Variants in ATP1A4 observed in about 807,000 individuals in gnomAD.
ATP1A4 encodes sodium/potassium-transporting ATPase subunit alpha-4.
Under a neutral mutation model 114.3 loss-of-function variants are expected in ATP1A4, and 90 were observed. The observed-to-expected ratio is 0.79, with a 90% CI of 0.66 to 0.94. ATP1A4 has a LOEUF of 0.94. ATP1A4 is among the 40% of genes least tolerant of loss of function. The probability of loss-of-function intolerance (pLI) is 0.00; values close to 1 mark genes in which losing one functional copy is unlikely to be tolerated. For synonymous variants in ATP1A4, 511 were observed against 494.1 expected (o/e 1.03, Z -0.45); for missense variants, 1,222 against 1,313.6 (o/e 0.93, Z 1.08).
chr1:160,164,454 G>A (rs1330317412), intron 7 of ATP1A4, 30 bp downstream of exon 7: 3 of 1,610,030 alleles, frequency 1.9e-6, no homozygotes, highest in Non-Finnish European at 2.5e-6. Flanking sequence ...AATGGCCTCA[G>A]GGCAGACAAA....
intron 18 of ATP1A4, among the ~76,000 whole-genome samples, chr1:160,178,775 T>C (rs1653578567): frequency 6.6e-6 from 1 of 152,216 alleles, no homozygotes; most frequent in Non-Finnish European, 1.5e-5. Flanking sequence ...TCTATAGTTG[T>C]CTTTTCTAAC....
intron 12 of ATP1A4, 122 bp from the exon 13 acceptor site, chr1:160,173,459 G>A: frequency 7.2e-7 from 1 of 1,388,342 alleles, no homozygotes; most frequent in East Asian, 2.3e-5. Context: ...CAAGTTCTTG[G>A]GAATGAGCGA....
chr1:160,153,513 C>T (rs1158062308), intron 2 of ATP1A4, among the ~76,000 whole-genome samples: 5 of 151,920 alleles, frequency 3.3e-5, no homozygotes, highest in African/African-American at 7.3e-5. Flanking sequence ...TATCTAGGAC[C>T]GCAAAGAACT....
At chr1:160,168,377 CTTTTTTTTTT>C (rs11397218) in intron 10 of ATP1A4, among the ~76,000 whole-genome samples, 2 of 97,040 alleles carry the variant, frequency 2.1e-5, no homozygotes, top group African/African-American at 4.0e-5. Context: ...CTGCTGGTAT[CTTTTTTTTTT>C]TTTTTTTTTT....
intron 20 of ATP1A4, chr1:160,183,348 T>C (rs769439522): frequency 6.6e-6 from 1 of 152,252 alleles, no homozygotes. Flanking sequence ...AATGCCATTA[T>C]AGACATAATA....
rs765545705 is a variant in ATP1A4 at position 160,176,224 on chromosome 1, G to C, written c.2444G>C (p.Cys815Ser). The change falls in exon 16 of 22, where the codon TGC (cysteine) becomes TCC (serine). Residue 815 changes from cysteine (C) to serine (S), a missense_variant. Transcript: ENST00000368081. ...CCTCTGGGAACCATAACCATCCTCT[G>C]CATTGATCTCGGCACTGACATGGTA... ...PLPLGTITIL[C>S]IDLGTDMVPA... 1 of 1,614,072 alleles carries C rather than the reference G, an allele frequency of 6.2e-7. No homozygotes were observed. Among genetic ancestry groups the C allele is most frequent in the South Asian group, 1.1e-5 (1 of 91,070 alleles).
intron 2 of ATP1A4, 151 bp downstream of exon 2, chr1:160,153,375 A>G: frequency 1.5e-6 from 1 of 646,566 alleles, no homozygotes. Context: ...CATGGACACT[A>G]CCTGGAAAAA....
intron 17 of ATP1A4, 59 bp downstream of exon 17, chr1:160,176,661 C>G: frequency 6.3e-7 from 1 of 1,592,802 alleles, no homozygotes; most frequent in East Asian, 2.3e-5. Flanking sequence ...TGCCTGGCAA[C>G]GTGAGCCATC....
intron 9 of ATP1A4, 30 bp downstream of exon 9, chr1:160,167,107 C>T (rs1392843871): frequency 6.2e-7 from 1 of 1,607,408 alleles, no homozygotes; most frequent in East Asian, 2.2e-5. Context: ...GAGGGTACCT[C>T]AGTGTCCAGG....
At chr1:160,186,086 C>CA (rs527303426) in intron 20 of ATP1A4, among the ~76,000 whole-genome samples, 190 bp from the exon 21 acceptor site, 501 of 32,070 alleles carry the variant, frequency 0.016, 10 homozygotes, top group Middle Eastern at 0.094. Context: ...GACTCTGTCG[C>CA]AAAAAAAAAA....
rs759398877 is a variant in ATP1A4 at position 160,166,594 on chromosome 1, G to A, written c.1114G>A (p.Val372Met). 1.9e-6 allele frequency: 3 copies of A among 1,614,242 alleles called. No homozygotes were observed. Among genetic ancestry groups the A allele is most frequent in the Non-Finnish European group, 1.7e-6 (2 of 1,180,044 alleles). The change falls in exon 8 of 22, where the codon GTG becomes ATG. Residue 372 changes from valine (V) to methionine (M), a missense_variant. By Grantham distance (21) the Val-to-Met change is conservative. Coordinates refer to ENST00000368081, the MANE Select transcript of ATP1A4 (RefSeq NM_144699.4). ...KNCLVKNLEA[V>M]ETLGSTSTIC... ...CTGCCTGGTGAAGAACCTGGAGGCG[G>A]TGGAGACGCTGGGCTCCACGTCCAC...
intron 10 of ATP1A4, among the ~76,000 whole-genome samples, chr1:160,168,533 C>A (rs911433579): frequency 1.3e-5 from 2 of 152,058 alleles, no homozygotes; most frequent in Admixed American, 6.5e-5. Flanking sequence ...CAGGCATGTG[C>A]CACCACGCCC....
chr1:160,168,664 G>C (rs764803539), intron 10 of ATP1A4, among the ~76,000 whole-genome samples: 1 of 152,138 alleles, frequency 6.6e-6, no homozygotes, highest in Non-Finnish European at 1.5e-5. Context: ...GATTACAGGC[G>C]TGAGCCACCA....
At chr1:160,157,078 G>C (rs2101625931) in intron 4 of ATP1A4, among the ~76,000 whole-genome samples, 1 of 134,224 alleles carries the variant, frequency 7.5e-6, no homozygotes, top group South Asian at 2.5e-4. Context: ...GACAGACAGA[G>C]ACGCTGTCTC....
intron 10 of ATP1A4, 34 bp downstream of exon 10, chr1:160,167,446 G>T (rs1339249035): frequency 6.2e-7 from 1 of 1,605,462 alleles, no homozygotes; most frequent in Admixed American, 1.7e-5. Flanking sequence ...GAATGGTGGT[G>T]GGGGGATGGG....
In ATP1A4 at chr1:160,159,153, A is replaced by G. The variant is rs1277229340; in HGVS notation, c.660+17A>G. ...GGATGTAAGGTGAGGGGATGCCGAA[A>G]GCTATGTGAGGGACCCAAGCGTGAT... On this transcript the variant is annotated intron_variant, in intron 5 of 21. Coordinates refer to ENST00000368081, the MANE Select transcript of ATP1A4 (RefSeq NM_144699.4). 1.9e-6 allele frequency: 3 copies of G among 1,611,904 alleles called. No homozygotes were observed. The Admixed American group carries it at 5.0e-5, about 27-fold the overall frequency.
At chr1:160,171,119 T>C (rs1261937087) in intron 10 of ATP1A4, 132 bp from the exon 11 acceptor site, 6 of 776,968 alleles carry the variant, frequency 7.7e-6, no homozygotes, top group Middle Eastern at 3.9e-4. Flanking sequence ...GAGATGTGAC[T>C]GGGGAGGGGA....
chr1:160,151,884 C>T lies in ATP1A4; in HGVS notation c.-157C>T, dbSNP rs1652465672. 1 of 786,864 alleles carries T rather than the reference C, an allele frequency of 1.3e-6. No homozygotes were observed. Among genetic ancestry groups the T allele is most frequent in the Non-Finnish European group, 1.9e-6 (1 of 513,334 alleles). The allele number at this position is 786,864 out of a possible 1,614,324, so 48.7% of individuals were successfully genotyped here. A position where few individuals can be genotyped will look rare whatever the true frequency, so the allele number is the denominator to read the frequency against. ...TCTCTCTCACCTTCACCACCCAACA[C>T]CTCCCTCCCTGCCTCTTTCTTTCTG... On this transcript the variant is annotated 5_prime_UTR_variant, in exon 1 of 22. Coordinates refer to ENST00000368081, the MANE Select transcript of ATP1A4 (RefSeq NM_144699.4).
chr1:160,156,945 T>C (rs183617460), intron 4 of ATP1A4, among the ~76,000 whole-genome samples: 1 of 152,076 alleles, frequency 6.6e-6, no homozygotes, highest in Non-Finnish European at 1.5e-5. Context: ...AGACCTTATC[T>C]CTACAAAAAA....
Sources: gnomAD v4.1 joint callset for allele counts (sites outside exome capture counted in the v4.1 genomes callset) on GRCh38, gnomAD v4.1.1 for gene constraint, MANE v1.5 for transcripts, NCBI Gene and HGNC (gene_info 2026-07-23, HGNC 2026-07-21) for gene names.